Variants in RMST observed in about 807,000 individuals in gnomAD.
RMST encodes the protein rhabdomyosarcoma 2 associated transcript, also known as long intergenic non-protein coding RNA 54.
At chr12:97,523,483 C>T (rs1880722779) in intron 10 of RMST, among the ~76,000 whole-genome samples, 1 of 152,180 alleles carries the variant, frequency 6.6e-6, no homozygotes, top group African/African-American at 2.4e-5. Context: ...TGAATGTTCT[C>T]ACCTCAAAGA....
Position 97,488,005 on chromosome 12 carries a change from T to C in RMST, n.645-4456T>C, listed in dbSNP as rs1305651317. Among the ~76,000 whole-genome samples the C allele has an allele frequency of 2.0e-5, 3 of 152,328 alleles. No individual in the cohort carries two copies. The East Asian group carries it at 5.8e-4, about 29-fold the overall frequency. On this transcript the variant is annotated intron_variant and non_coding_transcript_variant, in intron 5 of 13. Transcript: ENST00000640149. Reference sequence around the variant, plus strand: ...AATTCTAAAACTGCTGCTCACTCTGTGAGACTTTCGGCAGAAGGCTGTCTC... The same window carrying C: ...AATTCTAAAACTGCTGCTCACTCTGCGAGACTTTCGGCAGAAGGCTGTCTC...
Position 97,467,946 on chromosome 12 carries a change from T to A in RMST, n.644+2219T>A, listed in dbSNP as rs368870713. 1.1e-4 allele frequency among the ~76,000 whole-genome samples: 16 copies of A among 152,146 alleles called. 1 individual carries two copies. Among genetic ancestry groups the A allele is most frequent in the African/African-American group, 3.1e-4 (13 of 41,578 alleles). On this transcript the variant is annotated intron_variant and non_coding_transcript_variant, in intron 5 of 13. Transcript: ENST00000640149. ...TTTCTTAGTAGTAGCCAGTTATTTG[T>A]GTAATTCAATAAAATCTTTTTTTCA...
chr12:97,511,858 A>G (rs1879338424), intron 10 of RMST, among the ~76,000 whole-genome samples: 1 of 152,216 alleles, frequency 6.6e-6, no homozygotes, highest in African/African-American at 2.4e-5. Context: ...CACCTTTTAT[A>G]CATACACCTT....
chr12:97,545,724 A>G (rs1044631875), intron 11 of RMST, among the ~76,000 whole-genome samples: 1 of 152,114 alleles, frequency 6.6e-6, no homozygotes, highest in Non-Finnish European at 1.5e-5. Flanking sequence ...TTTCAAGGGC[A>G]GAAATATGGC....
At chr12:97,548,954 T>C (rs1355950997) in intron 11 of RMST, among the ~76,000 whole-genome samples, 1 of 152,198 alleles carries the variant, frequency 6.6e-6, no homozygotes, top group African/African-American at 2.4e-5. Flanking sequence ...GCAATAGATA[T>C]TTTTTCAAGC....
At chr12:97,489,862 G>A (rs1392461692) in intron 5 of RMST, among the ~76,000 whole-genome samples, 2 of 152,170 alleles carry the variant, frequency 1.3e-5, no homozygotes, top group Non-Finnish European at 2.9e-5. Flanking sequence ...ATCCTAAACT[G>A]TAGTACTATT....
intron 5 of RMST, among the ~76,000 whole-genome samples, chr12:97,489,565 T>G (rs760325950): frequency 2.6e-5 from 4 of 152,140 alleles, no homozygotes; most frequent in Non-Finnish European, 4.4e-5. Flanking sequence ...TTCTCAAAAA[T>G]AGGGGGAATA....
intron 11 of RMST, chr12:97,552,264 G>T (rs1389646061): frequency 6.6e-6 from 1 of 152,106 alleles, no homozygotes; most frequent in East Asian, 1.9e-4. Flanking sequence ...TTTTCTTCCA[G>T]AACTTTTATT....
intron 5 of RMST, among the ~76,000 whole-genome samples, chr12:97,473,378 T>G (rs1387955011): frequency 6.6e-6 from 1 of 152,136 alleles, no homozygotes; most frequent in Non-Finnish European, 1.5e-5. Flanking sequence ...TACGTGTGTG[T>G]GTTTCGAAGG....
At chr12:97,561,411 C>A (rs1447759118) in intron 13 of RMST, among the ~76,000 whole-genome samples, 1 of 151,970 alleles carries the variant, frequency 6.6e-6, no homozygotes, top group Non-Finnish European at 1.5e-5. Context: ...ATTAGCCAAC[C>A]ATTGGGTTCT....
chr12:97,467,961 TC>T (rs1873395349), intron 5 of RMST, among the ~76,000 whole-genome samples: 1 of 152,006 alleles, frequency 6.6e-6, no homozygotes, highest in African/African-American at 2.4e-5. Flanking sequence ...TTCAATAAAA[TC>T]TTTTTTTCAG....
intron 11 of RMST, among the ~76,000 whole-genome samples, chr12:97,545,097 A>G (rs1346512785): frequency 6.6e-6 from 1 of 152,108 alleles, no homozygotes; most frequent in Non-Finnish European, 1.5e-5. Context: ...ACAAAATCAC[A>G]TTTACATTAT....
chr12:97,470,876 T>G (rs1457439642), intron 5 of RMST, among the ~76,000 whole-genome samples: 2 of 152,112 alleles, frequency 1.3e-5, no homozygotes, highest in African/African-American at 4.8e-5. Context: ...CATCATAAAG[T>G]TTTATTAGCT....
At chr12:97,521,272 G>A (rs550925057) in intron 10 of RMST, among the ~76,000 whole-genome samples, 26 of 152,088 alleles carry the variant, frequency 1.7e-4, no homozygotes, top group East Asian at 5.8e-4. Context: ...TGATGATAAC[G>A]CAATGTCAAA....
intron 10 of RMST, among the ~76,000 whole-genome samples, chr12:97,519,701 G>A (rs1592727814): frequency 6.6e-6 from 1 of 152,098 alleles, no homozygotes; most frequent in Non-Finnish European, 1.5e-5. Flanking sequence ...TAACTTTTTT[G>A]TGAGGTCATT....
At chr12:97,539,845 A>G in intron 11 of RMST, among the ~76,000 whole-genome samples, 1 of 151,588 alleles carries the variant, frequency 6.6e-6, no homozygotes, top group East Asian at 1.9e-4. Context: ...AATTTTAAGA[A>G]TAAATATAGC....
chr12:97,559,253 TAAAC>T (rs1211758202), intron 11 of RMST, among the ~76,000 whole-genome samples: 1 of 152,176 alleles, frequency 6.6e-6, no homozygotes, highest in Non-Finnish European at 1.5e-5. Flanking sequence ...CAAAATTGTA[TAAAC>T]AAACAGAGTA....
Position 97,523,393 on chromosome 12 carries a change from A to G in RMST, n.1341-7262A>G, listed in dbSNP as rs540835455. ...TCAAGGGGGACGAAGTTATAGTTAG[A>G]TAGGAGGAATAAGTTCAAGTGTTCT... On this transcript the variant is annotated intron_variant and non_coding_transcript_variant, in intron 10 of 13. Transcript: ENST00000640149. Among the ~76,000 whole-genome samples, 273 of 152,310 alleles carry G rather than the reference A, an allele frequency of 1.8e-3. 1 individual carries two copies. Among genetic ancestry groups the G allele is most frequent in the Non-Finnish European group, 2.8e-3 (193 of 68,028 alleles).
At chr12:97,514,473 G>A (rs1386207870) in intron 10 of RMST, among the ~76,000 whole-genome samples, 1 of 152,082 alleles carries the variant, frequency 6.6e-6, no homozygotes, top group Admixed American at 6.5e-5. Flanking sequence ...CCAATTTTTA[G>A]CCAGGATTGA....
Sources: gnomAD v4.1 joint callset for allele counts (sites outside exome capture counted in the v4.1 genomes callset) on GRCh38, gnomAD v4.1.1 for gene constraint, MANE v1.5 for transcripts, NCBI Gene and HGNC (gene_info 2026-07-23, HGNC 2026-07-21) for gene names.